The following LRRC4C variants were observed in gnomAD, a reference collection of about 807,000 sequenced individuals.
The protein encoded by LRRC4C is leucine-rich repeat-containing protein 4C.
A neutral mutation model predicts 33.6 loss-of-function variants in LRRC4C; 5 were observed. That is an observed-to-expected ratio of 0.15 (90% CI 0.08 to 0.31). The LOEUF (loss-of-function observed/expected upper bound fraction) is 0.31, where lower values mean the gene tolerates loss of function less well. Among genes scored for constraint, LRRC4C ranks in the 10% least tolerant of loss-of-function variants. The pLI is 1.00. For synonymous variants in LRRC4C, 329 were observed against 302.0 expected, an observed-to-expected ratio of 1.09 and a Z score of -0.93; for missense variants, 560 against 796.7, an observed-to-expected ratio of 0.70 and a Z score of 3.58.
intron 3 of LRRC4C, among the ~76,000 whole-genome samples, chr11:40,536,409 G>T (rs2135351651): frequency 6.6e-6 from 1 of 152,248 alleles, no homozygotes; most frequent in East Asian, 1.9e-4. Flanking sequence ...GGCCAGGATG[G>T]TCTAAATCTC....
At chr11:41,376,049 C>T (rs114815661) in intron 1 of LRRC4C, among the ~76,000 whole-genome samples, 1,577 of 150,898 alleles carry the variant, frequency 0.01, 24 homozygotes, top group African/African-American at 0.036. Flanking sequence ...TGATCTTAAA[C>T]GTCATGGAAA....
At chr11:41,392,087 A>G (rs1953618927) in intron 1 of LRRC4C, among the ~76,000 whole-genome samples, 1 of 151,852 alleles carries the variant, frequency 6.6e-6, no homozygotes, top group South Asian at 2.1e-4. Flanking sequence ...GTAGGAGAAA[A>G]CCGTTTACGA....
intron 5 of LRRC4C, among the ~76,000 whole-genome samples, chr11:40,199,799 C>T (rs1168725155): frequency 2.0e-5 from 3 of 152,040 alleles, no homozygotes; most frequent in Non-Finnish European, 2.9e-5. Context: ...CAGGCTATTA[C>T]AGAATATGAG....
chr11:41,350,949 G>T (rs577706285), intron 1 of LRRC4C, among the ~76,000 whole-genome samples: 1 of 152,252 alleles, frequency 6.6e-6, no homozygotes, highest in East Asian at 1.9e-4. Context: ...AAATATAGAG[G>T]CTGGGTGTGG....
intron 5 of LRRC4C, among the ~76,000 whole-genome samples, chr11:40,186,489 A>G (rs986140194): frequency 6.6e-6 from 1 of 152,168 alleles, no homozygotes; most frequent in Admixed American, 6.5e-5. Flanking sequence ...GGGGCTGTGA[A>G]AAACAAAGCA....
At chr11:40,670,174 T>C (rs967089056) in intron 2 of LRRC4C, among the ~76,000 whole-genome samples, 1 of 152,204 alleles carries the variant, frequency 6.6e-6, no homozygotes, top group Non-Finnish European at 1.5e-5. Flanking sequence ...GAGAACATTA[T>C]AGTCACTTAA....
At chr11:41,324,416 G>A (rs954493755) in intron 1 of LRRC4C, among the ~76,000 whole-genome samples, 1 of 152,142 alleles carries the variant, frequency 6.6e-6, no homozygotes, top group African/African-American at 2.4e-5. Context: ...GGCAACAAGA[G>A]TGAAACTCCC....
chr11:41,304,732 C>T (rs1591212375), intron 1 of LRRC4C, among the ~76,000 whole-genome samples: 1 of 97,182 alleles, frequency 1.0e-5, no homozygotes, highest in African/African-American at 4.0e-5. Context: ...GGGTATCAGC[C>T]CCCCGCCCGG....
chr11:40,210,362 C>T (rs1191778380), intron 5 of LRRC4C, among the ~76,000 whole-genome samples: 1 of 152,168 alleles, frequency 6.6e-6, no homozygotes, highest in East Asian at 1.9e-4. Context: ...AAGTAAAAAC[C>T]TTGAGCACAG....
intron 1 of LRRC4C, among the ~76,000 whole-genome samples, chr11:41,337,662 G>C (rs1433566936): frequency 2.0e-5 from 3 of 152,126 alleles, no homozygotes; most frequent in Non-Finnish European, 2.9e-5. Flanking sequence ...AAAAGCAATT[G>C]TAACAGAAGC....
Position 41,107,995 on chromosome 11 carries a change from GGGAGAGT to G in LRRC4C, c.-495-174279_-495-174273del, listed in dbSNP as rs1166378525. 4.7e-3 allele frequency among the ~76,000 whole-genome samples: 587 copies of G among 124,034 alleles called. 5 individuals carry two copies. The highest frequency in any genetic ancestry group is 0.016 in the African/African-American group (526 of 33,220). The allele number at this position is 124,034 out of a possible 152,430, so 81.4% of individuals were successfully genotyped here. On this transcript the variant is annotated intron_variant, in intron 1 of 6. Transcript: ENST00000528697. Reference sequence around the variant, plus strand: ...AGAGGGGAGAGGGGAGAGGGGAGAGGGGAGAGTAGAGAGGAGAGAGGAGAGTGCTCTC... The same window carrying G: ...AGAGGGGAGAGGGGAGAGGGGAGAGGAGAGAGGAGAGAGGAGAGTGCTCTC...
chr11:40,379,233 C>T (rs919430375), intron 3 of LRRC4C, among the ~76,000 whole-genome samples: 7 of 151,840 alleles, frequency 4.6e-5, no homozygotes, highest in African/African-American at 4.8e-5. Flanking sequence ...AGTATTTACT[C>T]GGTCATTTTT....
intron 1 of LRRC4C, among the ~76,000 whole-genome samples, chr11:41,288,636 G>A (rs974846393): frequency 6.6e-6 from 1 of 152,106 alleles, no homozygotes; most frequent in African/African-American, 2.4e-5. Flanking sequence ...TCAGTCCAGT[G>A]GCTGAACAAT....
chr11:40,906,443 G>T (rs965839450), intron 2 of LRRC4C, among the ~76,000 whole-genome samples: 1 of 150,966 alleles, frequency 6.6e-6, no homozygotes, highest in Non-Finnish European at 1.5e-5. Context: ...TTTGGGAGGC[G>T]GAGGTTGCAG....
chr11:41,443,078 ATGTTTGC>A (rs1955692969), intron 1 of LRRC4C, among the ~76,000 whole-genome samples: 3 of 106,794 alleles, frequency 2.8e-5, no homozygotes, highest in African/African-American at 1.1e-4. Context: ...ATTTATTTTT[ATGTTTGC>A]TTCATTTTTT....
intron 1 of LRRC4C, among the ~76,000 whole-genome samples, chr11:41,373,364 G>A (rs941283528): frequency 4.6e-5 from 7 of 152,020 alleles, no homozygotes; most frequent in African/African-American, 1.2e-4. Flanking sequence ...TAAGATATAC[G>A]TATACATACT....
intron 2 of LRRC4C, among the ~76,000 whole-genome samples, chr11:40,907,683 T>A (rs1956482932): frequency 6.6e-6 from 1 of 152,190 alleles, no homozygotes; most frequent in Non-Finnish European, 1.5e-5. Context: ...GTTCCTTGTA[T>A]CCTGAGTTTC....
chr11:41,025,436 C>A (rs1158625908), intron 1 of LRRC4C, among the ~76,000 whole-genome samples: 1 of 151,298 alleles, frequency 6.6e-6, no homozygotes, highest in Non-Finnish European at 1.5e-5. Flanking sequence ...TATAAAAGAT[C>A]AAGCAAACCA....
At chr11:40,364,348 G>A (rs1449109071) in intron 3 of LRRC4C, among the ~76,000 whole-genome samples, 1 of 152,028 alleles carries the variant, frequency 6.6e-6, no homozygotes, top group Non-Finnish European at 1.5e-5. Flanking sequence ...CTTCAAGAAA[G>A]CCAATGAAAA....
Sources: gnomAD v4.1 joint callset for allele counts (sites outside exome capture counted in the v4.1 genomes callset) on GRCh38, gnomAD v4.1.1 for gene constraint, MANE v1.5 for transcripts, NCBI Gene and HGNC (gene_info 2026-07-23, HGNC 2026-07-21) for gene names.